PALS1: variants seen among roughly 807,000 people sequenced by gnomAD.
The protein encoded by PALS1 is protein PALS1.
In PALS1, 31 loss-of-function variants were observed where a neutral mutation model predicts 78.9. The ratio of observed to expected loss-of-function variants is 0.39; its 90% CI spans 0.30 to 0.53. The LOEUF (loss-of-function observed/expected upper bound fraction) is 0.53, where lower values mean the gene tolerates loss of function less well. Ranked by LOEUF, PALS1 falls within the 20% of genes least tolerant of loss-of-function variation. The pLI is 0.67. For missense variants in PALS1, 704 were observed against 826.5 expected, an observed-to-expected ratio of 0.85 and a Z score of 1.82; for synonymous variants, 276 against 270.9, an observed-to-expected ratio of 1.02 and a Z score of -0.18.
intron 1 of PALS1, among the ~76,000 whole-genome samples, chr14:67,256,254 A>G (rs1412792100): frequency 2.6e-5 from 4 of 152,156 alleles, no homozygotes; most frequent in African/African-American, 2.4e-5. Flanking sequence ...AACATCTTCT[A>G]TGTATATTTG....
intron 6 of PALS1, 40 bp downstream of exon 6, chr14:67,302,158 T>C: frequency 6.4e-7 from 1 of 1,553,416 alleles, no homozygotes; most frequent in South Asian, 1.3e-5. Context: ...AGTGCATTTT[T>C]CTGCTGTTGT....
In PALS1 at chr14:67,316,845, G is replaced by A. The variant is rs747541114; in HGVS notation, c.1239G>A (p.Gln413=). ...LAGLVPGKSF[Q]QQREAMKQTI... ...TCTGCTATTAAGGGAAAAGCTTTCA[G>A]CAGCAAAGGGAAGCCATGAAACAAA... The change falls in exon 10 of 15, where the codon CAG becomes CAA. Residue 413 remains glutamine (Q), a synonymous_variant. Transcript: ENST00000261681. The A allele has an allele frequency of 1.2e-6, 2 of 1,611,422 alleles. No individual in the cohort carries two copies. The highest frequency in any genetic ancestry group is 1.1e-5 in the South Asian group (1 of 90,600).
chr14:67,254,024 A>AT (rs1555516853), intron 1 of PALS1, among the ~76,000 whole-genome samples: 1 of 114,158 alleles, frequency 8.8e-6, no homozygotes, highest in Non-Finnish European at 1.6e-5. Context: ...CCTTATATTC[A>AT]TCCCCCCCCC....
intron 13 of PALS1, among the ~76,000 whole-genome samples, chr14:67,323,479 G>T (rs2085299087): frequency 6.6e-6 from 1 of 151,656 alleles, no homozygotes. Context: ...GCTGAACATG[G>T]TGGTGCATGC....
chr14:67,305,317 A>G (rs7158743), intron 8 of PALS1, among the ~76,000 whole-genome samples: 23,424 of 151,614 alleles, frequency 0.15, 3,390 homozygotes, highest in East Asian at 0.41. Flanking sequence ...ATCTGGCTCT[A>G]TTATCCAGGC....
At chr14:67,295,110 T>TGTGC (rs1555336715) in intron 4 of PALS1, 1 of 149,996 alleles carries the variant, frequency 6.7e-6, no homozygotes, top group Non-Finnish European at 1.5e-5. Flanking sequence ...TTGAAGTGTG[T>TGTGC]GTGTGTGTGT....
chr14:67,330,133 GAAAT>G (rs2085425068), intron 14 of PALS1, among the ~76,000 whole-genome samples: 1 of 142,760 alleles, frequency 7.0e-6, no homozygotes, highest in Non-Finnish European at 1.5e-5. Context: ...CTGGAACCAG[GAAAT>G]AAATAATAAT....
chr14:67,333,050 T>C lies in PALS1; in HGVS notation c.*94T>C. ...CACTGCAGCAAGATTGAGGATAAGA[T>C]GGAAGGCAGCAGTATAAGCTGTAGA... On this transcript the variant is annotated 3_prime_UTR_variant, in exon 15 of 15. Transcript: ENST00000261681. The C allele has an allele frequency of 9.0e-7, 1 of 1,109,208 alleles. No individual in the cohort carries two copies. Among genetic ancestry groups the C allele is most frequent in the Non-Finnish European group, 1.3e-6 (1 of 764,248 alleles). 68.7% of individuals were successfully genotyped at this position (1,109,208 alleles called of 1,614,324 possible).
At chr14:67,301,309 T>TAAAAAATATGACCCTGCATAC in intron 4 of PALS1, 80 bp from the exon 5 acceptor site, 1 of 706,800 alleles carries the variant, frequency 1.4e-6, no homozygotes, top group South Asian at 2.9e-5. Context: ...AATTTGTACT[T>TAAAAAATATGACCCTGCATAC]AAAAAATATG....
At chr14:67,246,653 T>TG in intron 1 of PALS1, among the ~76,000 whole-genome samples, 1 of 144,970 alleles carries the variant, frequency 6.9e-6, no homozygotes, top group East Asian at 2.0e-4. Flanking sequence ...CTATAGGTTT[T>TG]TTTTTTTTTT....
intron 1 of PALS1, among the ~76,000 whole-genome samples, chr14:67,261,085 A>T (rs1460541859): frequency 6.6e-6 from 1 of 152,220 alleles, no homozygotes; most frequent in East Asian, 1.9e-4. Context: ...TGCTGTGAGG[A>T]TTAAATGAGA....
At chr14:67,307,924 T>G (rs910435546) in intron 8 of PALS1, among the ~76,000 whole-genome samples, 1 of 152,142 alleles carries the variant, frequency 6.6e-6, no homozygotes, top group Non-Finnish European at 1.5e-5. Flanking sequence ...GATCATATCC[T>G]TTGCAGGGAC....
At chr14:67,257,701 G>A (rs765657754) in intron 1 of PALS1, among the ~76,000 whole-genome samples, 40 of 152,014 alleles carry the variant, frequency 2.6e-4, no homozygotes, top group Non-Finnish European at 4.1e-4. Context: ...TTTTATACAT[G>A]TCACTAGAAA....
chr14:67,326,779 G>A (rs2085365444), intron 14 of PALS1, among the ~76,000 whole-genome samples: 1 of 152,184 alleles, frequency 6.6e-6, no homozygotes, highest in African/African-American at 2.4e-5. Context: ...AGATTGATCT[G>A]TGTTGCATCT....
chr14:67,313,106 G>C lies in PALS1; in HGVS notation c.1225+396G>C, dbSNP rs577508791. On this transcript the variant is annotated intron_variant, in intron 9 of 14. Transcript: ENST00000261681. ...AGGAGTCAGGAAAAGTAACATCATA[G>C]AATTTATTGTACCAAACGTGATCTT... Among the ~76,000 whole-genome samples the C allele has an allele frequency of 6.6e-5, 10 of 152,234 alleles. No homozygotes were observed. The South Asian group carries it at 2.1e-3, about 32-fold the overall frequency.
intron 1 of PALS1, among the ~76,000 whole-genome samples, chr14:67,263,112 T>C (rs2084264354): frequency 1.3e-5 from 2 of 152,166 alleles, no homozygotes; most frequent in South Asian, 4.1e-4. Context: ...TGGTCTTGAA[T>C]ATTTCCAAAG....
At chr14:67,331,509 G>T (rs2085448834) in intron 14 of PALS1, among the ~76,000 whole-genome samples, 1 of 152,118 alleles carries the variant, frequency 6.6e-6, no homozygotes, top group African/African-American at 2.4e-5. Flanking sequence ...TGTTCTGCTA[G>T]TATGAAGGCT....
chr14:67,275,290 T>G (rs1174089583), intron 2 of PALS1, among the ~76,000 whole-genome samples: 3 of 152,242 alleles, frequency 2.0e-5, no homozygotes, highest in African/African-American at 7.2e-5. Flanking sequence ...TTGAGATACA[T>G]TCCATCAATA....
At chr14:67,331,155 A>C (rs151098870) in intron 14 of PALS1, among the ~76,000 whole-genome samples, 4,630 of 151,720 alleles carry the variant, frequency 0.031, 89 homozygotes, top group Non-Finnish European at 0.036. Context: ...AGTGATTCTC[A>C]TGCCTCAGCC....
Sources: allele counts gnomAD v4.1 joint callset (sites outside exome capture counted in the v4.1 genomes callset), GRCh38; gene constraint gnomAD v4.1.1; transcripts MANE v1.5; gene names NCBI Gene and HGNC (gene_info 2026-07-23, HGNC 2026-07-21).